The following CCDC125 variants were observed in gnomAD, a reference collection of about 807,000 sequenced individuals.
CCDC125 encodes coiled-coil domain containing 125.
CCDC125 carries 43 observed loss-of-function variants against 57.4 expected under a neutral mutation model. The ratio of observed to expected loss-of-function variants is 0.75; its 90% CI spans 0.59 to 0.97. CCDC125 has a LOEUF of 0.97. Ranked by LOEUF, CCDC125 falls within the 50% of genes least tolerant of loss-of-function variation. The pLI, the probability that CCDC125 is intolerant of heterozygous loss-of-function variation, is 0.00. For synonymous variants in CCDC125, 187 were observed against 195.2 expected (o/e 0.96, Z 0.35); for missense variants, 563 against 595.7 (o/e 0.95, Z 0.57).
chr5:69,299,912 A>T, intron 8 of CCDC125, 100 bp downstream of exon 8: 1 of 939,614 alleles, frequency 1.1e-6, no homozygotes, highest in Non-Finnish European at 1.7e-6. Flanking sequence ...TCAAATTGCT[A>T]AGTATGTGCT....
At chr5:69,273,141 C>T in the CCDC125 span, 1 of 832,292 alleles carries the variant, frequency 1.2e-6, no homozygotes, top group Non-Finnish European at 1.8e-6. Flanking sequence ...TTTTTAAATA[C>T]TGGAAAGATG....
chr5:69,279,070 T>G (rs995070036), downstream of CCDC125, among the ~76,000 whole-genome samples: 2 of 151,988 alleles, frequency 1.3e-5, no homozygotes. Flanking sequence ...CACAGTTCTG[T>G]AGGCCATATA....
rs114973074 is a variant in CCDC125, at chr5:69,298,554, C to A, written c.816+1458G>T. 1.5e-3 allele frequency among the ~76,000 whole-genome samples: 235 copies of A among 152,232 alleles called. 2 individuals are homozygous for A. In the Middle Eastern group the frequency reaches 0.017, roughly 11 times the overall value. ...CATTTTCCTACTCCTGATAATCTCC[C>A]ATGCCTAGGTTGCCAAAAGCAACTA... On this transcript the variant is annotated intron_variant, in intron 8 of 11. Transcript: ENST00000396496.
chr5:69,292,235 T>G lies in CCDC125; in HGVS notation c.1052A>C (p.His351Pro). Residue 351 changes from histidine (H) to proline (P), a missense_variant, in exon 10 of 12, where the codon CAT becomes CCT. Coordinates refer to ENST00000396496, the MANE Select transcript of CCDC125 (RefSeq NM_176816.5). Reference protein sequence around the residue: ...ALQLTQMDKMHKKATKWMNWK... With the variant: ...ALQLTQMDKMPKKATKWMNWK... ...ATTCATCCATTTTGTTGCTTTTTTA[T>G]GCATTTTATCCATTTGTGTCAATTG... 1.9e-6 allele frequency: 3 copies of G among 1,613,792 alleles called. No homozygotes were observed. Among genetic ancestry groups the G allele is most frequent in the Non-Finnish European group, 2.5e-6 (3 of 1,179,974 alleles).
downstream of CCDC125, among the ~76,000 whole-genome samples, chr5:69,277,897 G>C (rs554313229): frequency 8.5e-5 from 13 of 152,056 alleles, no homozygotes; most frequent in African/African-American, 3.1e-4. Context: ...CCTTTTTTCT[G>C]AGGCGGGGGA....
At chr5:69,300,252 A>T in intron 7 of CCDC125, 125 bp from the exon 8 acceptor site, 1 of 691,578 alleles carries the variant, frequency 1.4e-6, no homozygotes, top group East Asian at 2.5e-5. Context: ...ATCGGGCTCC[A>T]TTCAGAAAAC....
At position 69,299,869 on chromosome 5, in the gene CCDC125, A is replaced by G; in HGVS notation, c.816+143T>C. 4 of 679,732 alleles carry G rather than the reference A, an allele frequency of 5.9e-6. 1 individual carries two copies. Among genetic ancestry groups the G allele is most frequent in the South Asian group, 5.2e-5 (3 of 58,132 alleles). The allele number at this position is 679,732 out of a possible 1,614,324, so 42.1% of individuals were successfully genotyped here. On this transcript the variant is annotated intron_variant, in intron 8 of 11. Coordinates refer to ENST00000396496, the MANE Select transcript of CCDC125 (RefSeq NM_176816.5). ...GGAACCAGCAGAACTGGAAGAACCA[A>G]CCTGGGCCCAGGGGCGTCTCTCACT... is the stretch of plus-strand genomic sequence containing the variant.
In CCDC125 at chr5:69,282,572, A is replaced by G. The variant is rs1579917688; in HGVS notation, c.*157T>C. The G allele has an allele frequency of 1.6e-6, 1 of 626,622 alleles. No homozygotes were observed. The highest frequency in any genetic ancestry group is 2.9e-5 in the East Asian group (1 of 34,348). 38.8% of individuals were successfully genotyped at this position (626,622 alleles called of 1,614,324 possible). ...CAAGACTCCATCTCAAAAGAAGAAA[A>G]AGAAAATGTAGAAAATATTTGATTT... On this transcript the variant is annotated 3_prime_UTR_variant, in exon 12 of 12. Coordinates refer to ENST00000396496, the MANE Select transcript of CCDC125 (RefSeq NM_176816.5).
chr5:69,317,741 AATT>A (rs559670796), intron 2 of CCDC125, among the ~76,000 whole-genome samples: 4 of 152,232 alleles, frequency 2.6e-5, no homozygotes, highest in Non-Finnish European at 5.9e-5. Flanking sequence ...GGTAAGGTAT[AATT>A]TCTTTTTGGT....
the CCDC125 span, among the ~76,000 whole-genome samples, chr5:69,274,767 C>A: frequency 3.3e-5 from 5 of 152,080 alleles, no homozygotes; most frequent in East Asian, 9.6e-4. Context: ...AGGTGCACAC[C>A]ACCATGCCTG....
downstream of CCDC125, among the ~76,000 whole-genome samples, chr5:69,276,905 T>C (rs187712855): frequency 6.6e-5 from 10 of 152,360 alleles, no homozygotes; most frequent in East Asian, 1.5e-3. Context: ...CTCAGAATTA[T>C]GGGAACTATG....
intron 1 of CCDC125, among the ~76,000 whole-genome samples, chr5:69,331,657 C>T (rs372057850): frequency 7.2e-5 from 11 of 152,310 alleles, no homozygotes; most frequent in South Asian, 2.1e-4. Context: ...ATGTACTCTG[C>T]GCTTCCACGT....
downstream of CCDC125, chr5:69,276,957 A>G: frequency 2.9e-6 from 2 of 701,340 alleles, no homozygotes; most frequent in Non-Finnish European, 4.8e-6. Flanking sequence ...TCTGTAAACT[A>G]CATGCTAAAT....
At chr5:69,278,173 C>A (rs1351470243), downstream of CCDC125, among the ~76,000 whole-genome samples, 8 of 151,994 alleles carry the variant, frequency 5.3e-5, no homozygotes, top group East Asian at 1.6e-3. Context: ...TGAGCCACTA[C>A]ACCTGGCCAG....
At chr5:69,298,261 G>A (rs190980369) in intron 8 of CCDC125, among the ~76,000 whole-genome samples, 21 of 151,998 alleles carry the variant, frequency 1.4e-4, no homozygotes, top group East Asian at 7.8e-4. Flanking sequence ...TGATCCGCCC[G>A]CCTCGGCCTC....
rs192443220 is a variant in CCDC125, at chr5:69,284,025, A to G, written c.1231-991T>C. ...AGGATGGTCTCGATCTCCTGACCTCATGATCCACCCGCCTCGGCTTCCCAA... is the reference window on the plus strand; with the variant it reads ...AGGATGGTCTCGATCTCCTGACCTCGTGATCCACCCGCCTCGGCTTCCCAA... On this transcript the variant is annotated intron_variant, in intron 11 of 11. Transcript: ENST00000396496. Among the ~76,000 whole-genome samples, 239 of 144,448 alleles carry G rather than the reference A, an allele frequency of 1.7e-3. 2 individuals are homozygous for G. The highest frequency in any genetic ancestry group is 5.9e-3 in the African/African-American group (231 of 38,832). The allele number at this position is 144,448 out of a possible 152,430, so 94.8% of individuals were successfully genotyped here.
intron 3 of CCDC125, among the ~76,000 whole-genome samples, chr5:69,311,562 G>C (rs1020803639): frequency 1.3e-5 from 2 of 152,150 alleles, no homozygotes; most frequent in Non-Finnish European, 2.9e-5. Flanking sequence ...TGAGACAGGA[G>C]AATCGCTTGA....
chr5:69,293,253 C>A (rs895132431), intron 9 of CCDC125, among the ~76,000 whole-genome samples: 1 of 152,224 alleles, frequency 6.6e-6, no homozygotes, highest in Admixed American at 6.5e-5. Context: ...ATTCTCCCAC[C>A]TCAGCCTCCC....
chr5:69,298,300 C>T (rs180677030), intron 8 of CCDC125, among the ~76,000 whole-genome samples: 162 of 152,308 alleles, frequency 1.1e-3, no homozygotes, highest in African/African-American at 3.6e-3. Flanking sequence ...AGGCGTGAGC[C>T]ACCGCGCCCG....
Sources: gnomAD v4.1 joint callset for allele counts (sites outside exome capture counted in the v4.1 genomes callset) on GRCh38, gnomAD v4.1.1 for gene constraint, MANE v1.5 for transcripts, NCBI Gene and HGNC (gene_info 2026-07-23, HGNC 2026-07-21) for gene names.